LRBA: variants seen among roughly 807,000 people sequenced by gnomAD.
The protein encoded by LRBA is LPS responsive beige-like anchor protein.
LRBA carries 176 observed loss-of-function variants against 330.0 expected under a neutral mutation model. The ratio of observed to expected loss-of-function variants is 0.53; its 90% CI spans 0.47 to 0.60. LRBA has a LOEUF of 0.60. LRBA is among the 20% of genes least tolerant of loss of function. The pLI, the probability that LRBA is intolerant of heterozygous loss-of-function variation, is 0.00. For synonymous variants in LRBA, 1,230 were observed against 1,193.0 expected (o/e 1.03, Z -0.64); for missense variants, 3,259 against 3,444.8 (o/e 0.95, Z 1.35).
chr4:150,380,405 T>C lies in LRBA; in HGVS notation c.7195-30246A>G, dbSNP rs549106852. 5.3e-5 allele frequency among the ~76,000 whole-genome samples: 8 copies of C among 152,210 alleles called. No individual in the cohort carries two copies. The East Asian group carries it at 1.4e-3, about 26-fold the overall frequency. On this transcript the variant is annotated intron_variant, in intron 47 of 56. Coordinates refer to ENST00000651943, the MANE Select transcript of LRBA (RefSeq NM_001364905.1). ...TAAAGCAAATTTAAAATATGCCAAC[T>C]AAGGCAAGAGATTTGAACCCCACCT...
chr4:150,392,882 G>C (rs1203833115), intron 47 of LRBA, among the ~76,000 whole-genome samples: 2 of 151,852 alleles, frequency 1.3e-5, no homozygotes, highest in African/African-American at 2.4e-5. Flanking sequence ...AGAGCATTAG[G>C]ACAAATACCT....
rs1749594473 is a variant in LRBA at position 150,844,668 on chromosome 4, G to A, written c.4451C>T (p.Ser1484Phe). The A allele has an allele frequency of 6.2e-7, 1 of 1,611,914 alleles. No homozygotes were observed. Among genetic ancestry groups the A allele is most frequent in the African/African-American group, 1.3e-5 (1 of 74,842 alleles). Residue 1484 changes from serine to phenylalanine, a missense_variant, in exon 27 of 57, where the codon TCT (serine) becomes TTT (phenylalanine). By Grantham distance (155) the Ser-to-Phe change is radical. Coordinates refer to ENST00000651943, the MANE Select transcript of LRBA (RefSeq NM_001364905.1). ...PMHSLIPLGK[S>F]AAKSPVDIVT... ...AATCTGTATACTTACCTTCGCTGCA[G>A]ATTTCCCTAAAGGAATAAGGCTATG...
intron 43 of LRBA, among the ~76,000 whole-genome samples, chr4:150,470,577 T>C (rs948609430): frequency 6.6e-6 from 1 of 152,108 alleles, no homozygotes; most frequent in African/African-American, 2.4e-5. Context: ...AAAACTCTGA[T>C]ACCTTAACTA....
chr4:150,805,192 GAAGGCAGAAGGAAGGAAGGAAGGAAGGA>G (rs1422776186), intron 33 of LRBA, among the ~76,000 whole-genome samples: 1 of 133,590 alleles, frequency 7.5e-6, no homozygotes, highest in Non-Finnish European at 1.5e-5. Flanking sequence ...AGGAAGGAAG[GAAGGCAGAAGGAAGGAAGGAAGGAAGGA>G]AAGGAAAGGA....
chr4:150,547,081 A>G (rs1199352559), intron 40 of LRBA, among the ~76,000 whole-genome samples: 1 of 152,178 alleles, frequency 6.6e-6, no homozygotes, highest in East Asian at 1.9e-4. Context: ...AAAATTTATA[A>G]AATTCACCCA....
chr4:150,272,375 A>T (rs1746225372), intron 56 of LRBA, among the ~76,000 whole-genome samples: 1 of 152,180 alleles, frequency 6.6e-6, no homozygotes, highest in African/African-American at 2.4e-5. Flanking sequence ...GGGAGAAACC[A>T]GTGCAAAAAG....
chr4:150,268,687 T>G (rs1745675316), intron 56 of LRBA, among the ~76,000 whole-genome samples: 2 of 152,108 alleles, frequency 1.3e-5, no homozygotes, highest in Non-Finnish European at 1.5e-5. Flanking sequence ...GCTGGAAAAT[T>G]TGACATGTGA....
intron 37 of LRBA, among the ~76,000 whole-genome samples, chr4:150,628,169 A>G (rs1346500987): frequency 6.6e-6 from 1 of 152,172 alleles, no homozygotes; most frequent in Non-Finnish European, 1.5e-5. Context: ...TCATTTCCCA[A>G]CAGAGACAGT....
chr4:150,528,445 G>A (rs978369615), intron 40 of LRBA, among the ~76,000 whole-genome samples: 1 of 150,830 alleles, frequency 6.6e-6, no homozygotes, highest in Non-Finnish European at 1.5e-5. Flanking sequence ...AGCTTGCAGT[G>A]AGCCGAGATC....
intron 37 of LRBA, among the ~76,000 whole-genome samples, chr4:150,668,541 A>G (rs908584575): frequency 1.9e-4 from 29 of 152,198 alleles, no homozygotes; most frequent in African/African-American, 7.0e-4. Flanking sequence ...TTCAAACCTG[A>G]GACTTGATTT....
At chr4:150,745,688 G>A (rs1323428108) in intron 35 of LRBA, among the ~76,000 whole-genome samples, 1 of 151,952 alleles carries the variant, frequency 6.6e-6, no homozygotes, top group Non-Finnish European at 1.5e-5. Context: ...GCTAATTTTT[G>A]TATCTTTAGT....
Position 150,321,422 on chromosome 4 carries a change from G to A in LRBA, c.7453-54C>T. 3 of 1,433,440 alleles carry A rather than the reference G, an allele frequency of 2.1e-6. No individual in the cohort carries two copies. Among genetic ancestry groups the A allele is most frequent in the Non-Finnish European group, 2.8e-6 (3 of 1,075,292 alleles). The allele number at this position is 1,433,440 out of a possible 1,614,324, so 88.8% of individuals were successfully genotyped here. The stretch of plus-strand genomic sequence containing the variant: ...ATGACAAGACCCAAATAGACAAGAA[G>A]GAAAAGATGAAGAAAGACAAGAAAG... On this transcript the variant is annotated intron_variant, in intron 49 of 56. Coordinates refer to ENST00000651943, the MANE Select transcript of LRBA (RefSeq NM_001364905.1). The surrounding 1 kb of genome is among the most constrained non-coding windows in gnomAD (Gnocchi z 4.5).
At chr4:150,894,912 A>C (rs1361732524) in intron 16 of LRBA, among the ~76,000 whole-genome samples, 1 of 152,214 alleles carries the variant, frequency 6.6e-6, no homozygotes. Context: ...TTGCCTATTC[A>C]AGAGGAAAAA....
chr4:150,427,355 C>T (rs913064970), intron 46 of LRBA, among the ~76,000 whole-genome samples: 4 of 151,874 alleles, frequency 2.6e-5, no homozygotes, highest in Non-Finnish European at 5.9e-5. Flanking sequence ...TATCAATGAG[C>T]AAAATGTAGT....
intron 40 of LRBA, among the ~76,000 whole-genome samples, chr4:150,528,500 C>CAAA (rs5862924): frequency 7.4e-6 from 1 of 135,898 alleles, no homozygotes; most frequent in Non-Finnish European, 1.6e-5. Context: ...GACTTCATCT[C>CAAA]AAAAAAAAAA....
At chr4:150,401,791 G>T (rs1475597546) in intron 47 of LRBA, among the ~76,000 whole-genome samples, 1 of 151,950 alleles carries the variant, frequency 6.6e-6, no homozygotes, top group Admixed American at 6.6e-5. Context: ...ATATTTAGAG[G>T]TAAAAGACCA....
At chr4:150,793,256 T>C (rs1279028554) in intron 34 of LRBA, among the ~76,000 whole-genome samples, 3 of 151,370 alleles carry the variant, frequency 2.0e-5, no homozygotes, top group African/African-American at 4.9e-5. Flanking sequence ...TGGACCATGA[T>C]TGCACCACTG....
intron 48 of LRBA, among the ~76,000 whole-genome samples, chr4:150,348,321 T>A (rs939148747): frequency 7.2e-5 from 11 of 152,152 alleles, no homozygotes; most frequent in Non-Finnish European, 1.0e-4. Flanking sequence ...ATGAAAACAT[T>A]GCGTAACCTT....
At chr4:150,919,096 T>C (rs1324751604) in intron 5 of LRBA, among the ~76,000 whole-genome samples, 1 of 152,178 alleles carries the variant, frequency 6.6e-6, no homozygotes, top group African/African-American at 2.4e-5. Context: ...TACTGATACA[T>C]GCTGTACCAT....
Sources: allele counts gnomAD v4.1 joint callset (sites outside exome capture counted in the v4.1 genomes callset), GRCh38; gene constraint gnomAD v4.1.1; non-coding constraint Gnocchi (gnomAD v3.1); transcripts MANE v1.5; gene names NCBI Gene and HGNC (gene_info 2026-07-23, HGNC 2026-07-21).